GPC6: variants seen among roughly 807,000 people sequenced by gnomAD.
The protein encoded by GPC6 is glypican-6.
Under a neutral mutation model 55.2 loss-of-function variants are expected in GPC6, and 14 were observed. That is an observed-to-expected ratio of 0.25 (90% CI 0.17 to 0.40). The LOEUF is 0.40. Ranked by LOEUF, GPC6 falls within the 10% of genes least tolerant of loss-of-function variation. The pLI, the probability that GPC6 is intolerant of heterozygous loss-of-function variation, is 1.00. For missense variants in GPC6, 641 were observed against 708.5 expected (o/e 0.90, Z 1.08); for synonymous variants, 278 against 259.6 (o/e 1.07, Z -0.68).
chr13:93,410,577 G>A (rs1157744360), intron 1 of GPC6, among the ~76,000 whole-genome samples: 2 of 152,096 alleles, frequency 1.3e-5, no homozygotes, highest in Non-Finnish European at 2.9e-5. Flanking sequence ...GTGAGTTCTG[G>A]CAGATGGGAT....
intron 1 of GPC6, among the ~76,000 whole-genome samples, chr13:93,408,107 A>G (rs2139241084): frequency 6.6e-6 from 1 of 152,314 alleles, no homozygotes; most frequent in Admixed American, 6.5e-5. Flanking sequence ...TTCTGGAAAT[A>G]AGATTGGATT....
intron 1 of GPC6, among the ~76,000 whole-genome samples, chr13:93,265,695 C>G (rs1877298209): frequency 6.6e-6 from 1 of 152,162 alleles, no homozygotes; most frequent in African/African-American, 2.4e-5. Flanking sequence ...GTGTATATGT[C>G]TATTTCAAAT....
intron 1 of GPC6, among the ~76,000 whole-genome samples, chr13:93,328,454 G>C (rs1025567084): frequency 6.6e-6 from 1 of 151,926 alleles, no homozygotes. Flanking sequence ...CACAAGGATC[G>C]CTTGAGCCCA....
chr13:94,069,105 G>A lies in GPC6; in HGVS notation c.877+41211G>A, dbSNP rs142451047. Among the ~76,000 whole-genome samples the A allele has an allele frequency of 2.6e-3, 390 of 152,302 alleles. 1 individual carries two copies. Among genetic ancestry groups the A allele is most frequent in the African/African-American group, 9.0e-3 (373 of 41,562 alleles). On this transcript the variant is annotated intron_variant, in intron 4 of 8. Transcript: ENST00000377047. The stretch of plus-strand genomic sequence containing the variant: ...ACCCCTGCAGCAAACTTCTGCCTGG[G>A]CATCCAGGTGTTTCCATACATCTTC...
At chr13:93,742,888 C>T (rs925781290) in intron 2 of GPC6, among the ~76,000 whole-genome samples, 6 of 151,846 alleles carry the variant, frequency 4.0e-5, no homozygotes, top group East Asian at 1.9e-4. Context: ...TACTTGTGTA[C>T]GTAACTGAAG....
chr13:93,583,974 AC>A (rs1186383668), intron 2 of GPC6, among the ~76,000 whole-genome samples: 1 of 152,066 alleles, frequency 6.6e-6, no homozygotes, highest in Non-Finnish European at 1.5e-5. Context: ...AGTGGTTCAT[AC>A]TCCGTGTACC....
intron 2 of GPC6, among the ~76,000 whole-genome samples, chr13:93,619,513 C>T (rs1364987915): frequency 2.6e-5 from 4 of 152,050 alleles, no homozygotes; most frequent in East Asian, 1.9e-4. Flanking sequence ...AGTTCAGTGG[C>T]GTGATCATAA....
At chr13:93,889,849 T>A (rs1440742574) in intron 3 of GPC6, among the ~76,000 whole-genome samples, 1 of 152,108 alleles carries the variant, frequency 6.6e-6, no homozygotes, top group African/African-American at 2.4e-5. Context: ...CTCTTGCTTT[T>A]ATCTAAGGGT....
intron 1 of GPC6, among the ~76,000 whole-genome samples, chr13:93,279,395 C>T (rs533204336): frequency 5.9e-5 from 9 of 152,284 alleles, no homozygotes; most frequent in African/African-American, 1.2e-4. Context: ...GGTTTGGAAA[C>T]GCTATACAAT....
chr13:93,672,272 G>A (rs1881392487), intron 2 of GPC6, among the ~76,000 whole-genome samples: 1 of 150,886 alleles, frequency 6.6e-6, no homozygotes, highest in Non-Finnish European at 1.5e-5. Context: ...ATGTTTAAGA[G>A]AAATTCCAAA....
At chr13:93,511,085 G>T (rs1407138247) in intron 1 of GPC6, among the ~76,000 whole-genome samples, 2 of 145,068 alleles carry the variant, frequency 1.4e-5, no homozygotes, top group African/African-American at 5.1e-5. Flanking sequence ...TGAATATTCT[G>T]GATGTTAGTC....
chr13:94,061,742 A>G (rs556635217), intron 4 of GPC6, among the ~76,000 whole-genome samples: 1 of 151,854 alleles, frequency 6.6e-6, no homozygotes, highest in Admixed American at 6.6e-5. Flanking sequence ...AACCTGCTTG[A>G]GAAAGTGTAT....
chr13:94,324,261 G>A lies in GPC6; in HGVS notation c.1152+18138G>A, dbSNP rs188779164. On this transcript the variant is annotated intron_variant, in intron 6 of 8. Coordinates refer to ENST00000377047, the MANE Select transcript of GPC6 (RefSeq NM_005708.5). ...CCAGTGACTGATTTCTGAGAGCAGC[G>A]TACATGCCTGTGGCCTCAGGTCACC... 3.3e-4 allele frequency among the ~76,000 whole-genome samples: 50 copies of A among 149,426 alleles called. 1 individual carries two copies. Among genetic ancestry groups the A allele is most frequent in the African/African-American group, 1.1e-3 (45 of 40,540 alleles).
At chr13:93,532,473 C>T (rs1321237728) in intron 1 of GPC6, among the ~76,000 whole-genome samples, 1 of 152,022 alleles carries the variant, frequency 6.6e-6, no homozygotes, top group East Asian at 1.9e-4. Context: ...CAGAAACTTC[C>T]TTTATTTACA....
intron 1 of GPC6, among the ~76,000 whole-genome samples, chr13:93,542,952 C>G (rs937773595): frequency 6.6e-6 from 1 of 152,176 alleles, no homozygotes; most frequent in Non-Finnish European, 1.5e-5. Flanking sequence ...TCTAGATATA[C>G]AGTCATGTCT....
chr13:94,136,525 A>G (rs1469472822), intron 4 of GPC6, among the ~76,000 whole-genome samples: 2 of 152,178 alleles, frequency 1.3e-5, no homozygotes, highest in Non-Finnish European at 2.9e-5. Flanking sequence ...CCTGGCTAAC[A>G]TGGTGAAACC....
chr13:94,072,205 T>C (rs550283177), intron 4 of GPC6, among the ~76,000 whole-genome samples: 3 of 152,344 alleles, frequency 2.0e-5, no homozygotes, highest in South Asian at 2.1e-4. Context: ...ATTTTGAACA[T>C]TTTATATATA....
At chr13:93,852,743 G>A (rs1175969796) in intron 3 of GPC6, among the ~76,000 whole-genome samples, 1 of 151,420 alleles carries the variant, frequency 6.6e-6, no homozygotes, top group Non-Finnish European at 1.5e-5. Flanking sequence ...AAATTTTATT[G>A]TTCCCTGAGT....
At chr13:93,694,608 G>T (rs988697592) in intron 2 of GPC6, among the ~76,000 whole-genome samples, 8 of 152,134 alleles carry the variant, frequency 5.3e-5, no homozygotes, top group Non-Finnish European at 1.0e-4. Context: ...TGACCAATGT[G>T]ATTAAACCGA....
Sources: allele counts gnomAD v4.1 joint callset (sites outside exome capture counted in the v4.1 genomes callset), GRCh38; gene constraint gnomAD v4.1.1; transcripts MANE v1.5; gene names NCBI Gene and HGNC (gene_info 2026-07-23, HGNC 2026-07-21).